Variants in MAF observed in about 807,000 individuals in gnomAD.
MAF encodes the protein transcription factor Maf.
Under a neutral mutation model 22.0 loss-of-function variants are expected in MAF, and 10 were observed. The observed-to-expected ratio is 0.45, with a 90% CI of 0.28 to 0.77. MAF has a LOEUF of 0.77. MAF is among the 30% of genes least tolerant of loss of function. The pLI is 0.12. For missense variants in MAF, 544 were observed against 548.4 expected (o/e 0.99, Z 0.08); for synonymous variants, 337 against 255.8 (o/e 1.32, Z -3.03).
At chr16:79,349,234 C>G in the MAF span, among the ~76,000 whole-genome samples, 1 of 152,194 alleles carries the variant, frequency 6.6e-6, no homozygotes, top group Non-Finnish European at 1.5e-5. Context: ...AAGTAAGTCA[C>G]CCCGAGTCTG....
At chr16:79,418,903 G>C in the MAF span, among the ~76,000 whole-genome samples, 1 of 152,152 alleles carries the variant, frequency 6.6e-6, no homozygotes, top group East Asian at 1.9e-4. Context: ...CCTCTGCTGG[G>C]GGCTGCTGCC....
the MAF span, among the ~76,000 whole-genome samples, chr16:79,357,075 G>C: frequency 1.3e-5 from 2 of 152,158 alleles, no homozygotes; most frequent in African/African-American, 4.8e-5. Context: ...AGGCCAACAT[G>C]GTGAAACCCC....
chr16:79,468,038 A>T, the MAF span, among the ~76,000 whole-genome samples: 1 of 152,182 alleles, frequency 6.6e-6, no homozygotes, highest in East Asian at 1.9e-4. Context: ...AATTTAATTA[A>T]ATTAGAATGT....
the MAF span, among the ~76,000 whole-genome samples, chr16:79,330,034 T>C: frequency 6.6e-6 from 1 of 152,146 alleles, no homozygotes; most frequent in Non-Finnish European, 1.5e-5. Flanking sequence ...TTACTGATTA[T>C]CAAAGAAATT....
chr16:79,344,643 C>T, the MAF span, among the ~76,000 whole-genome samples: 2 of 152,184 alleles, frequency 1.3e-5, no homozygotes, highest in South Asian at 2.1e-4. Flanking sequence ...TGACTCTTAT[C>T]ATTGCAAAGA....
the MAF span, among the ~76,000 whole-genome samples, chr16:79,375,555 G>A: frequency 1.3e-5 from 2 of 151,978 alleles, no homozygotes; most frequent in Non-Finnish European, 2.9e-5. Flanking sequence ...GATGATGACT[G>A]TGACAATGAT....
At chr16:79,370,646 C>T in the MAF span, among the ~76,000 whole-genome samples, 1 of 152,224 alleles carries the variant, frequency 6.6e-6, no homozygotes, top group African/African-American at 2.4e-5. Context: ...CTTCCACTAG[C>T]TCATCTCACA....
chr16:79,289,736 TCACAAC>T, the MAF span, among the ~76,000 whole-genome samples: 1 of 151,908 alleles, frequency 6.6e-6, no homozygotes, highest in Non-Finnish European at 1.5e-5. Flanking sequence ...TTCCAAGGTG[TCACAAC>T]TCATGAGAAA....
the MAF span, among the ~76,000 whole-genome samples, chr16:79,363,288 G>C: frequency 6.6e-6 from 1 of 152,080 alleles, no homozygotes; most frequent in Non-Finnish European, 1.5e-5. Flanking sequence ...ACTTACAATG[G>C]GGTTATGTCC....
chr16:79,477,230 G>A, the MAF span, among the ~76,000 whole-genome samples: 1 of 152,202 alleles, frequency 6.6e-6, no homozygotes, highest in African/African-American at 2.4e-5. Flanking sequence ...TCATTTTAAT[G>A]ACCACCAGAG....
At chr16:79,386,368 C>A in the MAF span, among the ~76,000 whole-genome samples, 1 of 152,118 alleles carries the variant, frequency 6.6e-6, no homozygotes, top group South Asian at 2.1e-4. Flanking sequence ...TCATAAGGAA[C>A]ATGTAACCCA....
chr16:79,321,479 G>T, the MAF span, among the ~76,000 whole-genome samples: 1 of 152,152 alleles, frequency 6.6e-6, no homozygotes, highest in Non-Finnish European at 1.5e-5. Context: ...GGCCCAGTCA[G>T]TGACAGCTTC....
the MAF span, among the ~76,000 whole-genome samples, chr16:79,532,536 G>C: frequency 6.6e-6 from 1 of 152,184 alleles, no homozygotes; most frequent in African/African-American, 2.4e-5. Context: ...TCCGGAGAGA[G>C]GCCACAAATT....
the MAF span, among the ~76,000 whole-genome samples, chr16:79,418,861 C>G: frequency 6.6e-6 from 1 of 152,186 alleles, no homozygotes; most frequent in Non-Finnish European, 1.5e-5. Context: ...CAGGCCCCAA[C>G]ACAGGGCCCC....
chr16:79,380,482 A>C, the MAF span, among the ~76,000 whole-genome samples: 1 of 152,234 alleles, frequency 6.6e-6, no homozygotes, highest in Non-Finnish European at 1.5e-5. Flanking sequence ...TATTTTACAG[A>C]GGAAAAGTGA....
the MAF span, among the ~76,000 whole-genome samples, chr16:79,210,297 A>G: frequency 6.6e-6 from 1 of 152,152 alleles, no homozygotes; most frequent in Non-Finnish European, 1.5e-5. Flanking sequence ...ACGTCGTAAC[A>G]CCTTCCTTGG....
chr16:79,585,721 A>C (rs1912796546), downstream of MAF: 1 of 558,242 alleles, frequency 1.8e-6, no homozygotes, highest in Admixed American at 3.6e-5. Flanking sequence ...TGACACGTGA[A>C]ACCCAAATAC....
the MAF span, among the ~76,000 whole-genome samples, chr16:79,282,447 G>C: frequency 1.3e-5 from 2 of 152,104 alleles, no homozygotes; most frequent in African/African-American, 4.8e-5. Flanking sequence ...TCCTCTAAAA[G>C]GAAAATATTA....
chr16:79,490,240 T>C, the MAF span, among the ~76,000 whole-genome samples: 2 of 152,232 alleles, frequency 1.3e-5, no homozygotes, highest in Non-Finnish European at 2.9e-5. Context: ...TAAAATATCC[T>C]GGACACAGGC....
Sources: gnomAD v4.1 joint callset for allele counts (sites outside exome capture counted in the v4.1 genomes callset) on GRCh38, gnomAD v4.1.1 for gene constraint, MANE v1.5 for transcripts, NCBI Gene and HGNC (gene_info 2026-07-23, HGNC 2026-07-21) for gene names.